The following CSMD1 variants were observed in gnomAD, a reference collection of about 807,000 sequenced individuals.
CSMD1 encodes CUB and Sushi multiple domains 1, also known as CUB and sushi domain-containing protein 1.
CSMD1 carries 213 observed loss-of-function variants against 417.5 expected under a neutral mutation model. The ratio of observed to expected loss-of-function variants is 0.51; its 90% CI spans 0.46 to 0.57. CSMD1 has a LOEUF of 0.57. Among genes scored for constraint, CSMD1 ranks in the 20% least tolerant of loss-of-function variants. The probability of loss-of-function intolerance (pLI) is 0.00; values close to 1 mark genes in which losing one functional copy is unlikely to be tolerated. For synonymous variants in CSMD1, 2,862 were observed against 1,736.8 expected (o/e 1.65, Z -16.11); for missense variants, 6,923 against 4,529.7 (o/e 1.53, Z -15.17).
intron 1 of CSMD1, among the ~76,000 whole-genome samples, chr8:4,885,295 C>A (rs997702884): frequency 6.6e-6 from 1 of 151,826 alleles, no homozygotes; most frequent in African/African-American, 2.4e-5. Flanking sequence ...AGTTTTCCTT[C>A]TTTTTTTTAT....
intron 5 of CSMD1, among the ~76,000 whole-genome samples, chr8:3,834,451 G>A (rs377531673): frequency 1.2e-4 from 18 of 152,138 alleles, no homozygotes; most frequent in Non-Finnish European, 2.1e-4. Flanking sequence ...GGGCTTCCCC[G>A]GCAGGCAGTG....
At chr8:3,928,916 C>T (rs887591645) in intron 5 of CSMD1, among the ~76,000 whole-genome samples, 5 of 149,790 alleles carry the variant, frequency 3.3e-5, no homozygotes, top group African/African-American at 1.2e-4. Context: ...TTTCGTATAC[C>T]TGGAATTATT....
chr8:3,017,356 G>T (rs1808927100), intron 52 of CSMD1, among the ~76,000 whole-genome samples: 1 of 152,252 alleles, frequency 6.6e-6, no homozygotes, highest in South Asian at 2.1e-4. Context: ...AAGGACTTGT[G>T]ACTCTCTACA....
chr8:3,126,566 A>T (rs920766871), intron 41 of CSMD1, among the ~76,000 whole-genome samples: 1 of 152,212 alleles, frequency 6.6e-6, no homozygotes, highest in African/African-American at 2.4e-5. Flanking sequence ...ATGGTAGTCC[A>T]CAGAATTTCC....
At chr8:2,953,628 A>G (rs117094499) in intron 65 of CSMD1, among the ~76,000 whole-genome samples, 4,643 of 152,350 alleles carry the variant, frequency 0.03, 115 homozygotes, top group Non-Finnish European at 0.035. Context: ...TAAAACACAG[A>G]ACATGCCAGA....
chr8:4,256,189 T>C (rs987437762), intron 3 of CSMD1, among the ~76,000 whole-genome samples: 4 of 152,192 alleles, frequency 2.6e-5, no homozygotes, highest in East Asian at 1.9e-4. Context: ...ACTTCATTTG[T>C]TTGTGATTTG....
intron 26 of CSMD1, among the ~76,000 whole-genome samples, chr8:3,232,011 CAT>C (rs914370044): frequency 2.0e-5 from 3 of 152,196 alleles, no homozygotes; most frequent in African/African-American, 7.2e-5. Flanking sequence ...GAAATATATA[CAT>C]GTGTGTATCT....
intron 1 of CSMD1, among the ~76,000 whole-genome samples, chr8:4,926,533 A>T (rs1585343601): frequency 1.3e-5 from 2 of 152,226 alleles, no homozygotes; most frequent in South Asian, 2.1e-4. Context: ...GTTTTTAATT[A>T]ACCTCCTTAT....
intron 6 of CSMD1, among the ~76,000 whole-genome samples, chr8:3,748,036 G>C (rs1230176280): frequency 6.6e-6 from 1 of 152,112 alleles, no homozygotes; most frequent in African/African-American, 2.4e-5. Context: ...AAGACACACA[G>C]GTAGAAGGGG....
At chr8:3,705,275 A>T (rs762527196) in intron 7 of CSMD1, among the ~76,000 whole-genome samples, 4 of 152,192 alleles carry the variant, frequency 2.6e-5, no homozygotes, top group Non-Finnish European at 5.9e-5. Flanking sequence ...CACCCTCTGC[A>T]AAGAGCTGTG....
intron 1 of CSMD1, among the ~76,000 whole-genome samples, chr8:4,923,468 C>T (rs1382981018): frequency 6.6e-6 from 1 of 152,070 alleles, no homozygotes; most frequent in Non-Finnish European, 1.5e-5. Context: ...TATTACATGC[C>T]TGTGTCAAAA....
At chr8:3,989,598 C>T (rs146539724) in intron 5 of CSMD1, among the ~76,000 whole-genome samples, 4 of 152,280 alleles carry the variant, frequency 2.6e-5, no homozygotes, top group East Asian at 3.9e-4. Context: ...AGAGATTTCT[C>T]AGGTGCCATC....
intron 25 of CSMD1, among the ~76,000 whole-genome samples, chr8:3,297,938 G>C (rs913375500): frequency 6.6e-6 from 1 of 152,028 alleles, no homozygotes; most frequent in Non-Finnish European, 1.5e-5. Context: ...TGGGCAAAAG[G>C]CTTCAACTGG....
rs138588518 is a variant in CSMD1 at position 3,516,097 on chromosome 8, T to C, written c.1345-22371A>G. 4.9e-3 allele frequency among the ~76,000 whole-genome samples: 746 copies of C among 152,308 alleles called. 5 individuals are homozygous for C. Among genetic ancestry groups the C allele is most frequent in the African/African-American group, 0.017 (713 of 41,566 alleles). The stretch of plus-strand genomic sequence containing the variant: ...ACTGGAGCTCAGACAGCCTGGTTAC[T>C]TGAGTGTGGTCTCACAGAAAGAGGA... On this transcript the variant is annotated intron_variant, in intron 10 of 69. Transcript: ENST00000635120.
At chr8:3,957,296 G>T (rs1343776383) in intron 5 of CSMD1, among the ~76,000 whole-genome samples, 6 of 152,202 alleles carry the variant, frequency 3.9e-5, no homozygotes, top group Admixed American at 1.3e-4. Flanking sequence ...TGTGCCCTCA[G>T]AAATATTTTT....
chr8:3,916,881 C>G (rs773958410), intron 5 of CSMD1, among the ~76,000 whole-genome samples: 1 of 151,012 alleles, frequency 6.6e-6, no homozygotes, highest in Non-Finnish European at 1.5e-5. Flanking sequence ...AAGTCCCTAG[C>G]TGGTCATGAA....
intron 3 of CSMD1, among the ~76,000 whole-genome samples, chr8:4,330,381 G>T (rs186026666): frequency 6.6e-6 from 1 of 152,036 alleles, no homozygotes; most frequent in Non-Finnish European, 1.5e-5. Flanking sequence ...GATCACTTGA[G>T]GTCAGGAGTT....
chr8:2,954,889 G>C lies in CSMD1; in HGVS notation c.9995-621C>G, dbSNP rs73499058. 8.1e-3 allele frequency among the ~76,000 whole-genome samples: 1,227 copies of C among 152,258 alleles called. 14 individuals are homozygous for C. The highest frequency in any genetic ancestry group is 0.028 in the African/African-American group (1,154 of 41,554). On this transcript the variant is annotated intron_variant, in intron 64 of 69. Coordinates refer to ENST00000635120, the MANE Select transcript of CSMD1 (RefSeq NM_033225.6). The stretch of plus-strand genomic sequence containing the variant: ...ATCCCTAATATGAGAACTATAAATA[G>C]GCTCCAGGAAACAAAACCTAAAGTC...
At chr8:3,004,317 G>C (rs1807687720) in intron 52 of CSMD1, among the ~76,000 whole-genome samples, 1 of 152,312 alleles carries the variant, frequency 6.6e-6, no homozygotes, top group East Asian at 1.9e-4. Flanking sequence ...AGGCAATTGT[G>C]TAGCAACAAC....
Sources: gnomAD v4.1 joint callset for allele counts (sites outside exome capture counted in the v4.1 genomes callset) on GRCh38, gnomAD v4.1.1 for gene constraint, MANE v1.5 for transcripts, NCBI Gene and HGNC (gene_info 2026-07-23, HGNC 2026-07-21) for gene names.